The following DIAPH2 variants were observed in gnomAD, a reference collection of about 807,000 sequenced individuals.
The protein encoded by DIAPH2 is protein diaphanous homolog 2.
In DIAPH2, 35 loss-of-function variants were observed where a neutral mutation model predicts 92.7. The observed-to-expected ratio is 0.38, with a 90% CI of 0.29 to 0.50. The LOEUF (loss-of-function observed/expected upper bound fraction) is 0.50, where lower values mean the gene tolerates loss of function less well. DIAPH2 is among the 20% of genes least tolerant of loss of function. The probability of loss-of-function intolerance (pLI) is 0.94; values close to 1 mark genes in which losing one functional copy is unlikely to be tolerated. For missense variants in DIAPH2, 701 were observed against 819.5 expected, an observed-to-expected ratio of 0.86 and a Z score of 1.77; for synonymous variants, 301 against 280.4, an observed-to-expected ratio of 1.07 and a Z score of -0.73.
At chrX:96,795,275 T>TA (rs2064530241) in intron 4 of DIAPH2, among the ~76,000 whole-genome samples, 1 of 111,567 alleles carries the variant, frequency 9.0e-6, no homozygotes. Context: ...ACTTCAGTAA[T>TA]AAAAAAATTT....
chrX:96,750,753 G>GT lies in DIAPH2; in HGVS notation c.343-7400dup, dbSNP rs1234744950. On this transcript the variant is annotated intron_variant, in intron 3 of 26. Coordinates refer to ENST00000324765, the MANE Select transcript of DIAPH2 (RefSeq NM_006729.5). ...GGTTATATTTTTATCCAACTGTATA[G>GT]TAAACCTCCTACACTAATTGCTTAA... Among the ~76,000 whole-genome samples, 4 of 112,605 alleles carry GT rather than the reference G, an allele frequency of 3.6e-5. No individual in the cohort carries two copies. The East Asian group carries it at 1.1e-3, about 31-fold the overall frequency.
chrX:97,338,657 T>C (rs2069086486), intron 23 of DIAPH2, among the ~76,000 whole-genome samples: 1 of 112,253 alleles, frequency 8.9e-6, no homozygotes. Context: ...TATTTCAGGC[T>C]TTTAAAATGA....
rs1160135603 is a variant in DIAPH2 at position 97,177,921 on chromosome X, G to C, written c.2719+36127G>C. On this transcript the variant is annotated intron_variant, in intron 22 of 26. Coordinates refer to ENST00000324765, the MANE Select transcript of DIAPH2 (RefSeq NM_006729.5). ...CAACCTGATTTAATTAAAAAATCTA[G>C]ATATGGGCCAGGCACGGTGGTTTGC... Among the ~76,000 whole-genome samples, 3 of 111,299 alleles carry C rather than the reference G, an allele frequency of 2.7e-5. No homozygotes were observed. The Admixed American group carries it at 2.9e-4, about 11-fold the overall frequency.
chrX:96,958,550 C>T (rs1002692837), intron 16 of DIAPH2, among the ~76,000 whole-genome samples: 16 of 111,771 alleles, frequency 1.4e-4, no homozygotes, highest in Admixed American at 2.8e-4. Flanking sequence ...TACCCATCAC[C>T]TTTAACATTT....
intron 5 of DIAPH2, among the ~76,000 whole-genome samples, chrX:96,911,483 C>T (rs747302428): frequency 8.4e-4 from 94 of 111,296 alleles, no homozygotes; most frequent in Middle Eastern, 9.2e-3. Context: ...CCTAAACCTG[C>T]GTACTCAGCT....
chrX:97,384,152 T>A (rs1245315685), intron 25 of DIAPH2, 108 bp downstream of exon 25: 1 of 678,800 alleles, frequency 1.5e-6, no homozygotes, highest in Non-Finnish European at 2.1e-6. Flanking sequence ...CACAATAGTA[T>A]TAGTTACTTG....
chrX:97,141,997 A>T (rs1429457248), intron 22 of DIAPH2, among the ~76,000 whole-genome samples: 2 of 111,859 alleles, frequency 1.8e-5, no homozygotes, highest in East Asian at 5.6e-4. Flanking sequence ...CATTTTTTTT[A>T]CCACTGCTAC....
chrX:96,711,195 T>C (rs2063915804), intron 1 of DIAPH2, among the ~76,000 whole-genome samples: 1 of 111,902 alleles, frequency 8.9e-6, no homozygotes, highest in South Asian at 3.7e-4. Context: ...TTCCTTTGGG[T>C]AGTGGGATTG....
At position 97,011,703 on chromosome X, in the gene DIAPH2, C is replaced by G. The variant is rs915413076; in HGVS notation, c.2050+46496C>G. On this transcript the variant is annotated intron_variant, in intron 17 of 26. Coordinates refer to ENST00000324765, the MANE Select transcript of DIAPH2 (RefSeq NM_006729.5). ...AGGAGTTTGAGACCAGCATGGCCAA[C>G]ATGGTGGTGAAACCCCATCTCTACT... Among the ~76,000 whole-genome samples, 4 of 109,045 alleles carry G rather than the reference C, an allele frequency of 3.7e-5. No homozygotes were observed. The East Asian group carries it at 1.2e-3, about 31-fold the overall frequency. 94.7% of individuals were successfully genotyped at this position (109,045 alleles called of 115,157 possible).
At chrX:97,495,348 C>G (rs2070751480) in intron 26 of DIAPH2, among the ~76,000 whole-genome samples, 1 of 112,010 alleles carries the variant, frequency 8.9e-6, no homozygotes, top group African/African-American at 3.2e-5. Context: ...TTGATGATAT[C>G]AGCAAGCTAT....
At chrX:96,884,200 C>T (rs1365719932) in intron 5 of DIAPH2, 25 of 603,521 alleles carry the variant, frequency 4.1e-5, no homozygotes, top group Non-Finnish European at 5.8e-5. Context: ...TTTCGGACAG[C>T]TCGAAGCCTT....
intron 23 of DIAPH2, among the ~76,000 whole-genome samples, chrX:97,273,006 T>G (rs1337298046): frequency 1.8e-5 from 2 of 110,998 alleles, no homozygotes; most frequent in African/African-American, 6.5e-5. Flanking sequence ...AAATACAAAA[T>G]TAGCTGGGCA....
intron 4 of DIAPH2, among the ~76,000 whole-genome samples, chrX:96,854,598 C>CTTAT (rs2065025816): frequency 2.7e-5 from 1 of 37,132 alleles, no homozygotes; most frequent in East Asian, 1.2e-3. Context: ...CTCTCTCTCT[C>CTTAT]ATATATATAT....
At chrX:97,310,368 T>A (rs1190984235) in intron 23 of DIAPH2, among the ~76,000 whole-genome samples, 1 of 111,623 alleles carries the variant, frequency 9.0e-6, no homozygotes, top group East Asian at 2.8e-4. Context: ...AATAAAGACA[T>A]TGCAAAGTAT....
chrX:96,816,187 C>T (rs926573901), intron 4 of DIAPH2, among the ~76,000 whole-genome samples: 1 of 111,832 alleles, frequency 8.9e-6, no homozygotes, highest in Non-Finnish European at 1.9e-5. Context: ...AATAATATTC[C>T]ACCGTATGTA....
chrX:97,168,261 T>A (rs1160834102), intron 22 of DIAPH2, among the ~76,000 whole-genome samples: 2 of 109,611 alleles, frequency 1.8e-5, no homozygotes, highest in Non-Finnish European at 1.9e-5. Context: ...AATTTTTTTG[T>A]ATTTTTAGTA....
Position 96,711,672 on chromosome X carries a change from G to T in DIAPH2, c.133-24086G>T, listed in dbSNP as rs138243443. 7.4e-4 allele frequency among the ~76,000 whole-genome samples: 83 copies of T among 111,525 alleles called. 1 individual carries two copies. The highest frequency in any genetic ancestry group is 2.6e-3 in the African/African-American group (81 of 30,769). ...TGGTACAAAATGATTGAATGCCTAT[G>T]TGTTATCCTGGCTGTATAGTGAATC... On this transcript the variant is annotated intron_variant, in intron 1 of 26. Transcript: ENST00000324765.
chrX:96,709,509 T>A (rs2063905931), intron 1 of DIAPH2, among the ~76,000 whole-genome samples: 1 of 111,806 alleles, frequency 8.9e-6, no homozygotes, highest in Admixed American at 9.5e-5. Flanking sequence ...CTAAAGAAAA[T>A]GAAACTACAT....
chrX:96,847,768 C>A (rs115988147), intron 4 of DIAPH2, among the ~76,000 whole-genome samples: 1 of 110,760 alleles, frequency 9.0e-6, no homozygotes, highest in Non-Finnish European at 1.9e-5. Context: ...AGTTTTTGAT[C>A]CTCACCCTCC....
Sources: gnomAD v4.1 joint callset for allele counts (sites outside exome capture counted in the v4.1 genomes callset) on GRCh38, gnomAD v4.1.1 for gene constraint, MANE v1.5 for transcripts, NCBI Gene and HGNC (gene_info 2026-07-23, HGNC 2026-07-21) for gene names.